Variants in ARHGAP28 observed in about 807,000 individuals in gnomAD.
The protein encoded by ARHGAP28 is Rho GTPase activating protein 28, also known as rho GTPase-activating protein 28.
Under a neutral mutation model 90.7 loss-of-function variants are expected in ARHGAP28, and 56 were observed. That is an observed-to-expected ratio of 0.62 (90% CI 0.50 to 0.77). The LOEUF (loss-of-function observed/expected upper bound fraction) is 0.77, where lower values mean the gene tolerates loss of function less well. Ranked by LOEUF, ARHGAP28 falls within the 30% of genes least tolerant of loss-of-function variation. The pLI, the probability that ARHGAP28 is intolerant of heterozygous loss-of-function variation, is 0.00. For missense variants in ARHGAP28, 869 were observed against 900.9 expected (o/e 0.96, Z 0.45); for synonymous variants, 308 against 323.3 (o/e 0.95, Z 0.51).
rs180672483 is a variant in ARHGAP28 at position 6,806,842 on chromosome 18, C to A, written c.123-17920C>A. Among the ~76,000 whole-genome samples the A allele has an allele frequency of 3.5e-3, 529 of 152,016 alleles. 2 individuals carry two copies. The highest frequency in any genetic ancestry group is 4.4e-3 in the Non-Finnish European group (296 of 67,972). The stretch of plus-strand genomic sequence containing the variant: ...TCATCATTTTTATGTCTGAAAAAAA[C>A]CTTATTTCTCTTTTATTTTCAAAGG... On this transcript the variant is annotated intron_variant, in intron 1 of 17. Transcript: ENST00000383472.
chr18:6,734,761 AC>A (rs1418205448), intron 1 of ARHGAP28, among the ~76,000 whole-genome samples: 1 of 152,196 alleles, frequency 6.6e-6, no homozygotes, highest in Non-Finnish European at 1.5e-5. Context: ...ATGCACAGGG[AC>A]ACCATATTCT....
intron 2 of ARHGAP28, among the ~76,000 whole-genome samples, chr18:6,833,771 G>A (rs1165092670): frequency 1.3e-5 from 2 of 151,994 alleles, no homozygotes; most frequent in African/African-American, 4.8e-5. Context: ...TTTCATTTTT[G>A]TAATTACTGT....
intron 1 of ARHGAP28, among the ~76,000 whole-genome samples, chr18:6,796,563 C>T (rs1401704363): frequency 6.6e-6 from 1 of 152,038 alleles, no homozygotes; most frequent in Middle Eastern, 3.2e-3. Context: ...ATACAGGCTA[C>T]GAGATTGGGT....
In ARHGAP28 at chr18:6,913,145, G is replaced by C. The variant is rs185506133; in HGVS notation, c.*991G>C. The C allele has an allele frequency of 5.3e-4, 81 of 152,302 alleles. No homozygotes were observed. Among genetic ancestry groups the C allele is most frequent in the African/African-American group, 1.8e-3 (73 of 41,566 alleles). 9.4% of individuals were successfully genotyped at this position (152,302 alleles called of 1,614,324 possible). On this transcript the variant is annotated 3_prime_UTR_variant, in exon 18 of 18. Transcript: ENST00000383472. ...AACTATAAAAGCAGATTTTGCTTTTGTTTGTTAATCATAGGCATGGCCGAG... is the reference window on the plus strand; with the variant it reads ...AACTATAAAAGCAGATTTTGCTTTTCTTTGTTAATCATAGGCATGGCCGAG...
At chr18:6,884,923 A>G (rs1481141784) in intron 11 of ARHGAP28, among the ~76,000 whole-genome samples, 1 of 152,228 alleles carries the variant, frequency 6.6e-6, no homozygotes. Context: ...TGTTCAAACC[A>G]TGCCAAATGA....
intron 1 of ARHGAP28, among the ~76,000 whole-genome samples, chr18:6,744,044 A>G (rs1280629753): frequency 6.6e-6 from 1 of 152,236 alleles, no homozygotes; most frequent in Non-Finnish European, 1.5e-5. Flanking sequence ...GATTGAAAAA[A>G]AAAGCATAAG....
intron 4 of ARHGAP28, among the ~76,000 whole-genome samples, chr18:6,859,412 A>T (rs558791106): frequency 2.0e-5 from 3 of 152,232 alleles, no homozygotes; most frequent in African/African-American, 7.2e-5. Flanking sequence ...AGCATGTATC[A>T]AATGAACCTA....
At chr18:6,841,189 CT>C (rs1175957960) in intron 3 of ARHGAP28, among the ~76,000 whole-genome samples, 63 of 59,686 alleles carry the variant, frequency 1.1e-3, no homozygotes, top group African/African-American at 2.1e-3. Flanking sequence ...TCCTCTCTCT[CT>C]CTCTCTCTCT....
At chr18:6,747,104 A>G (rs2056030160) in intron 1 of ARHGAP28, among the ~76,000 whole-genome samples, 1 of 150,258 alleles carries the variant, frequency 6.7e-6, no homozygotes, top group East Asian at 1.9e-4. Context: ...CATTAATCAA[A>G]TATCTTCTCT....
intron 2 of ARHGAP28, among the ~76,000 whole-genome samples, chr18:6,825,367 G>C (rs2056654695): frequency 1.3e-5 from 2 of 152,078 alleles, no homozygotes; most frequent in Admixed American, 1.3e-4. Flanking sequence ...CTATTAACTA[G>C]AGAGAGAGAA....
chr18:6,791,055 G>A (rs1311508461), intron 1 of ARHGAP28: 1 of 152,040 alleles, frequency 6.6e-6, no homozygotes, highest in East Asian at 1.9e-4. Flanking sequence ...TCTCTAGAGG[G>A]ACAGAACTAA....
chr18:6,870,773 G>A (rs751911287), intron 7 of ARHGAP28, 41 bp downstream of exon 7: 3 of 1,545,764 alleles, frequency 1.9e-6, no homozygotes. Context: ...AACTTCCTGT[G>A]ACTTCATAGG....
Position 6,837,765 on chromosome 18 carries a change from A to G in ARHGAP28, c.543+351A>G, listed in dbSNP as rs1051078739. 1.1e-4 allele frequency among the ~76,000 whole-genome samples: 16 copies of G among 152,226 alleles called. 1 individual carries two copies. Among genetic ancestry groups the G allele is most frequent in the Admixed American group, 7.2e-4 (11 of 15,302 alleles). ...CTCTGTGGTCGGGCAAAGGAGTCCTAGGGAAGTAAGCAAGACCAGGTGGTT... is the reference window on the plus strand; with the variant it reads ...CTCTGTGGTCGGGCAAAGGAGTCCTGGGGAAGTAAGCAAGACCAGGTGGTT... On this transcript the variant is annotated intron_variant, in intron 3 of 17. Transcript: ENST00000383472.
intron 1 of ARHGAP28, among the ~76,000 whole-genome samples, chr18:6,765,092 TA>T (rs1250582661): frequency 2.6e-5 from 4 of 152,240 alleles, no homozygotes; most frequent in Admixed American, 6.5e-5. Flanking sequence ...TCTATGTTTG[TA>T]AACGATGTTG....
chr18:6,770,556 C>G (rs2056234251), intron 1 of ARHGAP28, among the ~76,000 whole-genome samples: 1 of 152,198 alleles, frequency 6.6e-6, no homozygotes, highest in Admixed American at 6.5e-5. Context: ...ACATGCTCGT[C>G]ACAGGCAGCA....
In ARHGAP28 at chr18:6,869,322, A is replaced by G. The variant is rs535637032; in HGVS notation, c.811+1088A>G. Among the ~76,000 whole-genome samples, 46 of 135,682 alleles carry G rather than the reference A, an allele frequency of 3.4e-4. No homozygotes were observed. The South Asian group carries it at 5.8e-3, about 17-fold the overall frequency. 89.0% of individuals were successfully genotyped at this position (135,682 alleles called of 152,430 possible). A position where few individuals can be genotyped will look rare whatever the true frequency, so the allele number is the denominator to read the frequency against. ...GTCACTCAGGCTGGAGTGCAGTAGC[A>G]CGATCTCAGCTCACTGCAGCCTCTG... is the stretch of plus-strand genomic sequence containing the variant. On this transcript the variant is annotated intron_variant, in intron 6 of 17. Transcript: ENST00000383472.
At chr18:6,851,161 T>C (rs755977155) in intron 4 of ARHGAP28, 35 bp downstream of exon 4, 3 of 1,585,100 alleles carry the variant, frequency 1.9e-6, no homozygotes, top group Non-Finnish European at 2.6e-6. Context: ...GTGGTAGGCA[T>C]GAAATAAGCC....
rs137884786 is a variant in ARHGAP28 at position 6,839,431 on chromosome 18, C to T, written c.543+2017C>T. Among the ~76,000 whole-genome samples, 1,433 of 151,916 alleles carry T rather than the reference C, an allele frequency of 9.4e-3. 59 individuals carry two copies. The highest frequency in any genetic ancestry group is 0.075 in the Admixed American group (1,142 of 15,242). On this transcript the variant is annotated intron_variant, in intron 3 of 17. Coordinates refer to ENST00000383472, the MANE Select transcript of ARHGAP28 (RefSeq NM_001366230.1). Reference sequence around the variant, plus strand: ...CCCTCAGCCTCCCGAGTAACTGGGACTATAGGCGCCAGCCACCACGCCTGG... The same window carrying T: ...CCCTCAGCCTCCCGAGTAACTGGGATTATAGGCGCCAGCCACCACGCCTGG...
Position 6,882,266 on chromosome 18 carries a change from G to A in ARHGAP28, c.1420G>A (p.Glu474Lys). Reference sequence around the variant, plus strand: ...ACTACCCACCTCTCTCTTCCCTGTGGAATATATACCTGCCTTCATCAGTCT... The same window carrying A: ...ACTACCCACCTCTCTCTTCCCTGTGAAATATATACCTGCCTTCATCAGTCT... Reference protein sequence around the residue: ...RELPTSLFPVEYIPAFISLME... With the variant: ...RELPTSLFPVKYIPAFISLME... The change falls in exon 11 of 18, where the codon GAA becomes AAA. Residue 474 changes from glutamate to lysine, a missense_variant. Glu to Lys is a moderately conservative substitution (Grantham distance 56). Transcript: ENST00000383472. 1 of 1,613,972 alleles carries A rather than the reference G, an allele frequency of 6.2e-7. No homozygotes were observed. The highest frequency in any genetic ancestry group is 8.5e-7 in the Non-Finnish European group (1 of 1,179,964).
Sources: allele counts gnomAD v4.1 joint callset (sites outside exome capture counted in the v4.1 genomes callset), GRCh38; gene constraint gnomAD v4.1.1; transcripts MANE v1.5; gene names NCBI Gene and HGNC (gene_info 2026-07-23, HGNC 2026-07-21).